The following EIF4G3 variants were observed in gnomAD, a reference collection of about 807,000 sequenced individuals.
EIF4G3 encodes the protein eIF-4-gamma 3.
EIF4G3 carries 34 observed loss-of-function variants against 186.4 expected under a neutral mutation model. That is an observed-to-expected ratio of 0.18 (90% CI 0.14 to 0.24). The LOEUF is 0.24. EIF4G3 is among the 10% of genes least tolerant of loss of function. The pLI is 1.00. For missense variants in EIF4G3, 1,536 were observed against 1,948.5 expected (o/e 0.79, Z 3.99); for synonymous variants, 673 against 679.5 (o/e 0.99, Z 0.15).
intron 33 of EIF4G3, among the ~76,000 whole-genome samples, chr1:20,820,557 G>C (rs1489357770): frequency 6.6e-6 from 1 of 152,204 alleles, no homozygotes; most frequent in Non-Finnish European, 1.5e-5. Flanking sequence ...AGGCCAGGGA[G>C]GACCTGAAGG....
At chr1:20,925,821 A>G (rs1265098493) in intron 14 of EIF4G3, among the ~76,000 whole-genome samples, 1 of 152,236 alleles carries the variant, frequency 6.6e-6, no homozygotes, top group Non-Finnish European at 1.5e-5. Context: ...TGTGAGCCAC[A>G]GCAGCCAGCC....
At chr1:21,087,787 C>G (rs1375238501) in intron 3 of EIF4G3, among the ~76,000 whole-genome samples, 2 of 152,130 alleles carry the variant, frequency 1.3e-5, no homozygotes, top group African/African-American at 4.8e-5. Context: ...GCGCCCGCCA[C>G]CATGTCCGGC....
In EIF4G3 at chr1:21,098,946, G is replaced by C. The variant is rs545075391; in HGVS notation, c.-271-9733C>G. Among the ~76,000 whole-genome samples, 48 of 152,206 alleles carry C rather than the reference G, an allele frequency of 3.2e-4. 1 individual carries two copies. The South Asian group carries it at 8.5e-3, about 27-fold the overall frequency. On this transcript the variant is annotated intron_variant, in intron 2 of 36. Coordinates refer to ENST00000602326, the MANE Select transcript of EIF4G3 (RefSeq NM_001391906.1). ...CCCACTGTGCCTAGCCTCAAATGGG[G>C]AAAAGTTTTAAATGAATGACACCTA...
intron 4 of EIF4G3, among the ~76,000 whole-genome samples, chr1:21,026,920 G>A (rs1056953408): frequency 7.3e-5 from 10 of 136,614 alleles, no homozygotes; most frequent in African/African-American, 1.1e-4. Flanking sequence ...CTGCGTGACA[G>A]AGGGAGACAC....
intron 4 of EIF4G3, among the ~76,000 whole-genome samples, chr1:21,015,949 G>T (rs1028794693): frequency 6.6e-6 from 1 of 152,056 alleles, no homozygotes; most frequent in Non-Finnish European, 1.5e-5. Context: ...AAGGGAACTA[G>T]ACAGTAACTA....
chr1:21,009,502 T>C (rs1328317391), intron 4 of EIF4G3, among the ~76,000 whole-genome samples: 1 of 151,836 alleles, frequency 6.6e-6, no homozygotes, highest in Non-Finnish European at 1.5e-5. Context: ...CATTAGTAGA[T>C]ATTATAGGGT....
intron 33 of EIF4G3, 56 bp downstream of exon 33, chr1:20,825,044 C>T: frequency 8.7e-7 from 1 of 1,143,658 alleles, no homozygotes; most frequent in Non-Finnish European, 1.3e-6. Flanking sequence ...ACCTTCACTT[C>T]CTCTATGAAA....
chr1:21,092,043 G>T (rs555510519), intron 2 of EIF4G3, among the ~76,000 whole-genome samples: 2 of 152,208 alleles, frequency 1.3e-5, no homozygotes, highest in African/African-American at 2.4e-5. Flanking sequence ...TAGGAGTGGT[G>T]AGAGAGGGGC....
chr1:20,997,565 G>C (rs1243452274), intron 7 of EIF4G3, 36 bp downstream of exon 7: 1 of 1,545,456 alleles, frequency 6.5e-7, no homozygotes, highest in Admixed American at 2.0e-5. Context: ...CCATCTATTA[G>C]TTAAGGGTGA....
intron 3 of EIF4G3, among the ~76,000 whole-genome samples, chr1:21,060,714 C>T (rs1557764764): frequency 6.8e-6 from 1 of 147,400 alleles, no homozygotes; most frequent in Non-Finnish European, 1.5e-5. Context: ...CTGTAAGGCA[C>T]CATGATCATG....
chr1:20,839,559 A>C (rs2067832140), intron 30 of EIF4G3, among the ~76,000 whole-genome samples: 2 of 152,278 alleles, frequency 1.3e-5, no homozygotes, highest in Non-Finnish European at 2.9e-5. Context: ...CAGTGGTGCA[A>C]CCTTGGCTCA....
intron 4 of EIF4G3, among the ~76,000 whole-genome samples, chr1:21,039,959 T>A (rs72988049): frequency 0.021 from 3,272 of 152,312 alleles, 104 homozygotes; most frequent in African/African-American, 0.073. Context: ...AGATACACTC[T>A]CTCTGCTCAC....
At chr1:20,969,630 T>A (rs756670005) in intron 11 of EIF4G3, 34 bp from the exon 12 acceptor site, 1 of 1,603,672 alleles carries the variant, frequency 6.2e-7, no homozygotes, top group South Asian at 1.1e-5. Flanking sequence ...TATGTACAGA[T>A]GAGTGTCTGT....
intron 14 of EIF4G3, among the ~76,000 whole-genome samples, chr1:20,908,401 G>A (rs1191397507): frequency 3.9e-5 from 6 of 152,252 alleles, no homozygotes; most frequent in East Asian, 1.9e-4. Flanking sequence ...TAACAGACAT[G>A]TTTAATCATT....
chr1:21,134,865 C>T (rs2097211381), intron 2 of EIF4G3, among the ~76,000 whole-genome samples: 3 of 151,414 alleles, frequency 2.0e-5, no homozygotes, highest in East Asian at 1.9e-4. Context: ...TTATATAGTA[C>T]TATGCAGTGT....
chr1:20,937,743 AT>A (rs1169114995), intron 14 of EIF4G3, among the ~76,000 whole-genome samples: 2 of 152,220 alleles, frequency 1.3e-5, no homozygotes, highest in Non-Finnish European at 2.9e-5. Flanking sequence ...CTCCTGGATG[AT>A]TAATGGGGAA....
chr1:21,005,576 TA>T (rs1240928575), intron 4 of EIF4G3, among the ~76,000 whole-genome samples: 2 of 152,164 alleles, frequency 1.3e-5, no homozygotes, highest in Non-Finnish European at 2.9e-5. Flanking sequence ...ATGACAACCT[TA>T]TTTGACTTCA....
At chr1:21,073,995 A>AT (rs778075369) in intron 3 of EIF4G3, among the ~76,000 whole-genome samples, 1 of 151,998 alleles carries the variant, frequency 6.6e-6, no homozygotes, top group Non-Finnish European at 1.5e-5. Flanking sequence ...AATTTTCATT[A>AT]TTTTTTACTT....
chr1:20,902,066 A>ATT (rs764509538), intron 15 of EIF4G3, among the ~76,000 whole-genome samples: 19 of 143,526 alleles, frequency 1.3e-4, no homozygotes, highest in Non-Finnish European at 1.7e-4. Flanking sequence ...CTAGGCTATA[A>ATT]TTTTTTTTTT....
Sources: gnomAD v4.1 joint callset for allele counts (sites outside exome capture counted in the v4.1 genomes callset) on GRCh38, gnomAD v4.1.1 for gene constraint, MANE v1.5 for transcripts, NCBI Gene and HGNC (gene_info 2026-07-23, HGNC 2026-07-21) for gene names.